The following COX18 variants were observed in gnomAD, a reference collection of about 807,000 sequenced individuals.
The protein encoded by COX18 is cytochrome c oxidase assembly protein COX18, mitochondrial.
In COX18, 45 loss-of-function variants were observed where a neutral mutation model predicts 38.0. That is an observed-to-expected ratio of 1.18 (90% CI 0.93 to 1.52). The LOEUF (loss-of-function observed/expected upper bound fraction) is 1.52, where lower values mean the gene tolerates loss of function less well. Among genes scored for constraint, COX18 ranks in the 40% most tolerant of loss-of-function variants. The pLI, the probability that COX18 is intolerant of heterozygous loss-of-function variation, is 0.00. For synonymous variants in COX18, 177 were observed against 169.8 expected (o/e 1.04, Z -0.33); for missense variants, 462 against 423.8 (o/e 1.09, Z -0.79).
At chr4:73,066,649 G>A (rs1381543195) in intron 2 of COX18, among the ~76,000 whole-genome samples, 1 of 152,182 alleles carries the variant, frequency 6.6e-6, no homozygotes, top group Non-Finnish European at 1.5e-5. Flanking sequence ...CTTAAGCAAG[G>A]TGCCACAAGT....
At chr4:73,067,864 A>AAAAAATATTTATATATAT in intron 2 of COX18, among the ~76,000 whole-genome samples, 165 bp downstream of exon 2, 1 of 20,010 alleles carries the variant, frequency 5.0e-5, no homozygotes, top group Non-Finnish European at 1.6e-4. Flanking sequence ...AAAAAAAAAA[A>AAAAAATATTTATATATAT]ATATATATAT....
rs140221367 is a variant in COX18 at position 73,058,192 on chromosome 4, T to C, written c.927A>G (p.Pro309=). Residue 309 remains proline, a synonymous_variant, in exon 6 of 6, where the codon CCA becomes CCG. Coordinates refer to ENST00000507544, the MANE Select transcript of COX18 (RefSeq NM_001297732.2). ...GAGTTTCTGAATCTGACTTGGTCGA[T>C]GGTATTCGGCAAAGTTGGCGAAATC... ...SPGFRQLCRI[P]STKSDSETPY... 5 of 1,613,646 alleles carry C rather than the reference T, an allele frequency of 3.1e-6. No individual in the cohort carries two copies. In the African/African-American group the frequency reaches 5.3e-5, roughly 17 times the overall value.
chr4:73,066,263 C>T (rs893532952), intron 2 of COX18, among the ~76,000 whole-genome samples: 2 of 152,146 alleles, frequency 1.3e-5, no homozygotes, highest in African/African-American at 2.4e-5. Context: ...TTTAGTTCAT[C>T]CAACAAATCA....
chr4:73,062,853 G>GAA (rs35349487), intron 4 of COX18, among the ~76,000 whole-genome samples: 8 of 129,658 alleles, frequency 6.2e-5, no homozygotes, highest in South Asian at 2.4e-4. Context: ...AGAAAAGAAG[G>GAA]AAAAAAAAAA....
At position 73,068,215 on chromosome 4, in the gene COX18, C is replaced by A. The variant is rs147770148; in HGVS notation, c.334-86G>T. On this transcript the variant is annotated intron_variant, in intron 1 of 5. Coordinates refer to ENST00000507544, the MANE Select transcript of COX18 (RefSeq NM_001297732.2). ...AATCTTTCACATTATTCCCTCGAGT[C>A]ATTTAAAAATGTAGTTTACTGATCA... is the stretch of plus-strand genomic sequence containing the variant. The A allele has an allele frequency of 3.8e-4, 306 of 806,226 alleles. No homozygotes were observed. The African/African-American group carries it at 4.8e-3, about 13-fold the overall frequency. The allele number at this position is 806,226 out of a possible 1,614,324, so 49.9% of individuals were successfully genotyped here. A position where few individuals can be genotyped will look rare whatever the true frequency, so the allele number is the denominator to read the frequency against.
chr4:73,069,274 G>T, intron 1 of COX18, 43 bp downstream of exon 1: 2 of 1,388,760 alleles, frequency 1.4e-6, no homozygotes, highest in Non-Finnish European at 1.9e-6. Context: ...CTCCGCCGCA[G>T]GGGTTGCAGC....
Position 73,055,644 on chromosome 4 carries a change from A to G in COX18, c.*2470T>C, listed in dbSNP as rs1028006399. 27 of 152,196 alleles carry G rather than the reference A, an allele frequency of 1.8e-4. No individual in the cohort carries two copies. Among genetic ancestry groups the G allele is most frequent in the Non-Finnish European group, 2.9e-4 (20 of 68,034 alleles). The allele number at this position is 152,196 out of a possible 1,614,324, so 9.4% of individuals were successfully genotyped here. On this transcript the variant is annotated 3_prime_UTR_variant, in exon 6 of 6. Transcript: ENST00000507544. Reference sequence around the variant, plus strand: ...ATGGGACTAAGTAGACTCAAAAAGGATACATGTTTACGGTATGAGAGCTGA... The same window carrying G: ...ATGGGACTAAGTAGACTCAAAAAGGGTACATGTTTACGGTATGAGAGCTGA...
chr4:73,058,142 A>T lies in COX18; in HGVS notation c.977T>A (p.Phe326Tyr). The change falls in exon 6 of 6, where the codon TTT becomes TAT. Residue 326 changes from phenylalanine (F) to tyrosine (Y), a missense_variant. Phe to Tyr is a conservative substitution (Grantham distance 22). Transcript: ENST00000507544. The part of the protein sequence containing the change: ...ETPYKDIFAA[F>Y]NTKFISRK ...TTTTCTTGAAATGAACTTGGTATTAAAGGCAGCAAATATGTCTTTATAAGG... is the reference window on the plus strand; with the variant it reads ...TTTTCTTGAAATGAACTTGGTATTATAGGCAGCAAATATGTCTTTATAAGG... 6.2e-7 allele frequency: 1 copy of T among 1,604,974 alleles called. No individual in the cohort carries two copies. The highest frequency in any genetic ancestry group is 8.5e-7 in the Non-Finnish European group (1 of 1,175,962).
At position 73,064,811 on chromosome 4, in the gene COX18, G is replaced by C. The variant is rs1245166468; in HGVS notation, c.690C>G (p.Ile230Met). 1 of 1,613,772 alleles carries C rather than the reference G, an allele frequency of 6.2e-7. No homozygotes were observed. The highest frequency in any genetic ancestry group is 1.3e-5 in the African/African-American group (1 of 74,900). The change falls in exon 4 of 6, where the codon ATC becomes ATG. Residue 230 changes from isoleucine (I) to methionine (M), a missense_variant. Ile to Met is a conservative substitution (Grantham distance 10). Transcript: ENST00000507544. ...TTAACAAATTGATGACGCCAACAGA[G>C]ATAGGCAGAATCCAAGTGGAGTCGG... The part of the protein sequence containing the change: ...TAPDSTWILP[I>M]SVGVINLLIV...
rs1177773848 is a variant in COX18 at position 73,061,812 on chromosome 4, C to G, written c.831+1G>C. The G allele has an allele frequency of 6.3e-7, 1 of 1,582,922 alleles. No homozygotes were observed. Among genetic ancestry groups the G allele is most frequent in the South Asian group, 1.1e-5 (1 of 90,270 alleles). On this transcript the variant is annotated splice_donor_variant, in intron 5 of 5. Transcript: ENST00000507544. LOFTEE classifies it high-confidence loss of function. ...TACACACAATATTGGTGCTTACTCA[C>G]TGAGGGTACCGTTGCAGCAATTGGT...
Position 73,068,063 on chromosome 4 carries a change from C to T in COX18, c.400G>A (p.Ala134Thr). 1 of 1,610,594 alleles carries T rather than the reference C, an allele frequency of 6.2e-7. No homozygotes were observed. The highest frequency in any genetic ancestry group is 2.2e-5 in the East Asian group (1 of 44,702). The change falls in exon 2 of 6, where the codon GCA becomes ACA. Residue 134 changes from alanine to threonine, a missense_variant. Physicochemically the swap from Ala to Thr is moderately conservative, Grantham distance 58. Coordinates refer to ENST00000507544, the MANE Select transcript of COX18 (RefSeq NM_001297732.2). ...CTTTTGGACCACCCCAACTGATTTG[C>T]ACGAACTGCAACTTCTTGGTTAAGA... is the stretch of plus-strand genomic sequence containing the variant. ...RHLNQEVAVR[A>T]NQLGWSKRDA...
Position 73,068,145 on chromosome 4 carries a change from G to A in COX18, c.334-16C>T. On this transcript the variant is annotated splice_polypyrimidine_tract_variant and intron_variant, in intron 1 of 5. Transcript: ENST00000507544. ...AATTTTCCACCTAGCTAAAAAATAG[G>A]TTTTGTTATGAGCACATAAAGGATC... 1 of 1,530,414 alleles carries A rather than the reference G, an allele frequency of 6.5e-7. No homozygotes were observed. Among genetic ancestry groups the A allele is most frequent in the South Asian group, 1.1e-5 (1 of 87,244 alleles). 94.8% of individuals were successfully genotyped at this position (1,530,414 alleles called of 1,614,324 possible). A position where few individuals can be genotyped will look rare whatever the true frequency, so the allele number is the denominator to read the frequency against.
chr4:73,063,865 G>A (rs372555502), intron 4 of COX18, among the ~76,000 whole-genome samples: 4 of 152,280 alleles, frequency 2.6e-5, no homozygotes, highest in East Asian at 3.9e-4. Context: ...TCTCTACTGA[G>A]GTAAATCATT....
chr4:73,069,570 G>A lies in COX18; in HGVS notation c.80C>T (p.Pro27Leu), dbSNP rs756757938. The A allele has an allele frequency of 8.9e-6, 14 of 1,564,308 alleles. No individual in the cohort carries two copies. The highest frequency in any genetic ancestry group is 1.1e-5 in the Non-Finnish European group (13 of 1,155,448). Reference protein sequence around the residue: ...QLWARDLPLAPVPTSGAKRPT... With the variant: ...QLWARDLPLALVPTSGAKRPT... The stretch of plus-strand genomic sequence containing the variant: ...GCGCTTGGCGCCGCTCGTAGGAACC[G>A]GCGCAAGCGGCAGGTCCCTAGCCCA... Residue 27 changes from proline to leucine, a missense_variant, in exon 1 of 6, where the codon CCG (proline) becomes CTG (leucine). Coordinates refer to ENST00000507544, the MANE Select transcript of COX18 (RefSeq NM_001297732.2).
rs769634143 is a variant in COX18, at chr4:73,064,253, CA to C, written c.723+524del. On this transcript the variant is annotated intron_variant, in intron 4 of 5. Transcript: ENST00000507544. ...GGGCAACAAGAGCAAAACTCCATCT[CA>C]AAAAAAAAAGAAAAAAAAAGACATG... Among the ~76,000 whole-genome samples, 17 of 146,912 alleles carry C rather than the reference CA, an allele frequency of 1.2e-4. 1 individual carries two copies. Among genetic ancestry groups the C allele is most frequent in the African/African-American group, 2.3e-4 (9 of 39,956 alleles).
intron 4 of COX18, among the ~76,000 whole-genome samples, 190 bp from the exon 5 acceptor site, chr4:73,062,110 A>G (rs907256888): frequency 1.5e-4 from 23 of 152,216 alleles, no homozygotes; most frequent in South Asian, 4.1e-4. Context: ...CTGTCTTGCT[A>G]TCAAACTGAG....
chr4:73,068,934 C>T (rs1720608712), intron 1 of COX18, among the ~76,000 whole-genome samples: 1 of 152,126 alleles, frequency 6.6e-6, no homozygotes, highest in Admixed American at 6.5e-5. Flanking sequence ...TACTTTGGGA[C>T]GAAAGACACT....
At chr4:73,068,325 T>C (rs983747309) in intron 1 of COX18, among the ~76,000 whole-genome samples, 196 bp from the exon 2 acceptor site, 2 of 152,200 alleles carry the variant, frequency 1.3e-5, no homozygotes, top group African/African-American at 4.8e-5. Flanking sequence ...TGCATACTTA[T>C]CCATGTGATC....
chr4:73,057,858 GA>G lies in COX18; in HGVS notation c.*255del. 1 of 205,998 alleles carries G rather than the reference GA, an allele frequency of 4.9e-6. No homozygotes were observed. Among genetic ancestry groups the G allele is most frequent in the Non-Finnish European group, 1.0e-5 (1 of 99,612 alleles). 12.8% of individuals were successfully genotyped at this position (205,998 alleles called of 1,614,324 possible). On this transcript the variant is annotated 3_prime_UTR_variant, in exon 6 of 6. Transcript: ENST00000507544. ...CTAATTTTTTTGTTATTTTAGTACA[GA>G]CAGGGTTTCACCATGTTGGCCAGGC...
Sources: gnomAD v4.1 joint callset for allele counts (sites outside exome capture counted in the v4.1 genomes callset) on GRCh38, gnomAD v4.1.1 for gene constraint, MANE v1.5 for transcripts, NCBI Gene and HGNC (gene_info 2026-07-23, HGNC 2026-07-21) for gene names.